DDI2: variants seen among roughly 807,000 people sequenced by gnomAD.
DDI2 encodes DDI proteasomal shuttling factor 2, also known as protein DDI1 homolog 2.
A neutral mutation model predicts 48.1 loss-of-function variants in DDI2; 5 were observed. That is an observed-to-expected ratio of 0.10 (90% confidence interval 0.05 to 0.22). The LOEUF is 0.22. Ranked by LOEUF, DDI2 falls within the 10% of genes least tolerant of loss-of-function variation. The pLI is 1.00. For synonymous variants in DDI2, 205 were observed against 183.6 expected, an observed-to-expected ratio of 1.12 and a Z score of -0.94; for missense variants, 285 against 506.2, an observed-to-expected ratio of 0.56 and a Z score of 4.19.
chr1:15,643,278 A>G (rs1640038895), intron 5 of DDI2, among the ~76,000 whole-genome samples: 1 of 152,226 alleles, frequency 6.6e-6, no homozygotes, highest in Non-Finnish European at 1.5e-5. Context: ...ATGTCATTTA[A>G]TTATTGCATC....
chr1:15,622,809 AAG>A (rs916357386), intron 1 of DDI2, among the ~76,000 whole-genome samples: 1 of 152,234 alleles, frequency 6.6e-6, no homozygotes, highest in African/African-American at 2.4e-5. Context: ...TTTAAACAAA[AAG>A]AAATCAGTTC....
intron 3 of DDI2, among the ~76,000 whole-genome samples, chr1:15,631,966 C>T (rs534791689): frequency 1.3e-5 from 2 of 152,068 alleles, no homozygotes; most frequent in South Asian, 2.1e-4. Context: ...CCACCACACC[C>T]GGCTAATTTT....
chr1:15,638,530 CT>C (rs775059343), intron 5 of DDI2, 96 bp downstream of exon 5: 55,594 of 567,218 alleles, frequency 0.098, 13 homozygotes, highest in South Asian at 0.11. Flanking sequence ...GATGGCTGTA[CT>C]TTTTTTTTTT....
At chr1:15,617,910 G>T (rs767142422) in intron 1 of DDI2, 102 bp downstream of exon 1, 58 of 1,370,800 alleles carry the variant, frequency 4.2e-5, no homozygotes, top group Middle Eastern at 1.9e-4. Flanking sequence ...GGGGCTGGGG[G>T]GAGCAAGGAT....
intron 9 of DDI2, chr1:15,657,030 A>C (rs2148304632): frequency 5.7e-6 from 1 of 175,492 alleles, no homozygotes; most frequent in African/African-American, 2.4e-5. Flanking sequence ...TGGGTTTCAT[A>C]AGTGCCTTTC....
In DDI2 at chr1:15,660,677, C is replaced by T. The variant is rs1640356019; in HGVS notation, c.*887C>T. Reference sequence around the variant, plus strand: ...CTTAATTCAACAGGCAGGCAGAATGCCAATGTCAAGAACATTGGTGCATTG... The same window carrying T: ...CTTAATTCAACAGGCAGGCAGAATGTCAATGTCAAGAACATTGGTGCATTG... On this transcript the variant is annotated 3_prime_UTR_variant, in exon 10 of 10. Coordinates refer to ENST00000480945, the MANE Select transcript of DDI2 (RefSeq NM_032341.5). The T allele has an allele frequency of 1.2e-6, 2 of 1,614,044 alleles. No individual in the cohort carries two copies. The highest frequency in any genetic ancestry group is 2.7e-5 in the African/African-American group (2 of 74,936).
intron 5 of DDI2, among the ~76,000 whole-genome samples, chr1:15,641,976 A>G (rs1234332815): frequency 1.3e-5 from 2 of 148,412 alleles, no homozygotes; most frequent in Admixed American, 6.7e-5. Flanking sequence ...AAAAAAAAAA[A>G]GGAGAAGAAA....
chr1:15,629,157 A>C (rs1364110230), intron 2 of DDI2, among the ~76,000 whole-genome samples: 1 of 152,180 alleles, frequency 6.6e-6, no homozygotes, highest in Non-Finnish European at 1.5e-5. Context: ...TTAGCTCCCC[A>C]AGGGCATGAG....
Position 15,630,307 on chromosome 1 carries a change from A to G in DDI2, c.269-18A>G. On this transcript the variant is annotated intron_variant, in intron 2 of 9. Transcript: ENST00000480945. ...TTGTAGAGTAATTTGAGTAAACTGAATTGATTTTCCCCAACAGACTTACCC... is the reference window on the plus strand; with the variant it reads ...TTGTAGAGTAATTTGAGTAAACTGAGTTGATTTTCCCCAACAGACTTACCC... The G allele has an allele frequency of 6.2e-7, 1 of 1,612,382 alleles. No individual in the cohort carries two copies. Among genetic ancestry groups the G allele is most frequent in the Non-Finnish European group, 8.5e-7 (1 of 1,178,636 alleles).
chr1:15,643,733 CTTTTGTTGTTA>C, intron 6 of DDI2, 83 bp downstream of exon 6: 1 of 1,527,204 alleles, frequency 6.5e-7, no homozygotes, highest in South Asian at 1.3e-5. Flanking sequence ...TTTAGAGGGT[CTTTTGTTGTTA>C]TTTTGTTGTT....
At position 15,651,690 on chromosome 1, in the gene DDI2, G is replaced by T; in HGVS notation, c.994-16G>T. The stretch of plus-strand genomic sequence containing the variant: ...GTGTTTTATCTGCTATTATTCTTTG[G>T]TTTCTTTCTTCCAAGTGTTCCATCG... On this transcript the variant is annotated splice_polypyrimidine_tract_variant and intron_variant, in intron 7 of 9. Transcript: ENST00000480945. 2 of 1,585,340 alleles carry T rather than the reference G, an allele frequency of 1.3e-6. No individual in the cohort carries two copies. Among genetic ancestry groups the T allele is most frequent in the Non-Finnish European group, 1.7e-6 (2 of 1,168,188 alleles).
chr1:15,663,006 T>C lies in DDI2; in HGVS notation c.*3216T>C, dbSNP rs1640404618. ...AAGGACTAGCCCTTGGAAATCATTG[T>C]CCTGTGGGCCCCACTGTGCAATAAT... On this transcript the variant is annotated 3_prime_UTR_variant, in exon 10 of 10. Transcript: ENST00000480945. 1 of 152,196 alleles carries C rather than the reference T, an allele frequency of 6.6e-6. No individual in the cohort carries two copies. The highest frequency in any genetic ancestry group is 2.4e-5 in the African/African-American group (1 of 41,452). 9.4% of individuals were successfully genotyped at this position (152,196 alleles called of 1,614,324 possible).
Position 15,665,557 on chromosome 1 carries a change from A to G in DDI2, c.*5767A>G, listed in dbSNP as rs1640440206. 1 of 152,194 alleles carries G rather than the reference A, an allele frequency of 6.6e-6. No homozygotes were observed. The highest frequency in any genetic ancestry group is 2.1e-4 in the South Asian group (1 of 4,832). 9.4% of individuals were successfully genotyped at this position (152,194 alleles called of 1,614,324 possible). ...TCTATCTCCGGTGAAAGCCATAAAAATTTAGGTTAACTTTTAAGCTCATGT... is the reference window on the plus strand; with the variant it reads ...TCTATCTCCGGTGAAAGCCATAAAAGTTTAGGTTAACTTTTAAGCTCATGT... On this transcript the variant is annotated 3_prime_UTR_variant, in exon 10 of 10. Coordinates refer to ENST00000480945, the MANE Select transcript of DDI2 (RefSeq NM_032341.5).
Position 15,661,464 on chromosome 1 carries a change from AAC to A in DDI2, c.*1676_*1677del, listed in dbSNP as rs1343884569. The A allele has an allele frequency of 6.2e-7, 1 of 1,613,850 alleles. No individual in the cohort carries two copies. Among genetic ancestry groups the A allele is most frequent in the African/African-American group, 1.3e-5 (1 of 74,946 alleles). ...TAGGTCAGGGCATACAGAATTCAGT[AAC>A]AGACAGGCCTGAAACCAGAGAAAAT... On this transcript the variant is annotated 3_prime_UTR_variant, in exon 10 of 10. Coordinates refer to ENST00000480945, the MANE Select transcript of DDI2 (RefSeq NM_032341.5).
chr1:15,652,489 T>G (rs1178967257), intron 8 of DDI2, among the ~76,000 whole-genome samples: 1 of 109,908 alleles, frequency 9.1e-6, no homozygotes, highest in Non-Finnish European at 1.8e-5. Flanking sequence ...GTCAGGAGTT[T>G]GAGACCAGCC....
rs1487244567 is a variant in DDI2, at chr1:15,643,512, ACTC to A, written c.761-5_761-3del. 2.5e-6 allele frequency: 4 copies of A among 1,609,108 alleles called. No homozygotes were observed. The highest frequency in any genetic ancestry group is 1.7e-5 in the Admixed American group (1 of 58,626). On this transcript the variant is annotated splice_region_variant and splice_polypyrimidine_tract_variant and intron_variant, in intron 5 of 9. Transcript: ENST00000480945. ...TGTTTTTATTGTCTGATGTTTCTCT[ACTC>A]CTCCAGGTGCCCAGATGACTATCAT...
At chr1:15,649,947 G>A (rs1454102179) in intron 7 of DDI2, 124 bp downstream of exon 7, 2 of 904,458 alleles carry the variant, frequency 2.2e-6, no homozygotes, top group Admixed American at 6.6e-5. Flanking sequence ...ACCTGGAAAT[G>A]TCCTTAAATT....
intron 8 of DDI2, among the ~76,000 whole-genome samples, chr1:15,652,451 G>T (rs894696665): frequency 5.1e-5 from 3 of 59,398 alleles, no homozygotes; most frequent in Non-Finnish European, 1.2e-4. Flanking sequence ...GGCTCCGGAG[G>T]GGGGGGGGGG....
intron 4 of DDI2, chr1:15,634,452 A>G (rs954235314): frequency 3.9e-5 from 6 of 152,156 alleles, no homozygotes; most frequent in African/African-American, 1.4e-4. Context: ...CCGGTTACTT[A>G]AATGAAGCCT....
Sources: allele counts gnomAD v4.1 joint callset (sites outside exome capture counted in the v4.1 genomes callset), GRCh38; gene constraint gnomAD v4.1.1; transcripts MANE v1.5; gene names NCBI Gene and HGNC (gene_info 2026-07-23, HGNC 2026-07-21).